BRMS1L: variants seen among roughly 807,000 people sequenced by gnomAD.
BRMS1L encodes BRMS1 like transcriptional repressor.
Under a neutral mutation model 50.3 loss-of-function variants are expected in BRMS1L, and 23 were observed. The ratio of observed to expected loss-of-function variants is 0.46; its 90% CI spans 0.33 to 0.65. The LOEUF is 0.65. Among genes scored for constraint, BRMS1L ranks in the 30% least tolerant of loss-of-function variants. The probability of loss-of-function intolerance (pLI) is 0.02; values close to 1 mark genes in which losing one functional copy is unlikely to be tolerated. For synonymous variants in BRMS1L, 114 were observed against 126.9 expected, an observed-to-expected ratio of 0.90 and a Z score of 0.69; for missense variants, 286 against 386.1, an observed-to-expected ratio of 0.74 and a Z score of 2.17.
intron 4 of BRMS1L, among the ~76,000 whole-genome samples, chr14:35,860,571 A>G (rs1277240786): frequency 2.7e-5 from 4 of 150,168 alleles, no homozygotes; most frequent in South Asian, 2.1e-4. Flanking sequence ...ATTCCAGTGC[A>G]GTATGCTTAA....
At chr14:35,863,415 C>T (rs1449774725) in intron 5 of BRMS1L, among the ~76,000 whole-genome samples, 2 of 152,114 alleles carry the variant, frequency 1.3e-5, no homozygotes, top group African/African-American at 4.8e-5. Flanking sequence ...AAGTTTAGTT[C>T]TCTATAGGGT....
rs188831493 is a variant in BRMS1L at position 35,845,919 on chromosome 14, T to C, written c.441+10996T>C. Reference sequence around the variant, plus strand: ...TATGCCACTGCACCTGGCTATGATATGGATTTTTAATAGTGTCATACTCAA... The same window carrying C: ...TATGCCACTGCACCTGGCTATGATACGGATTTTTAATAGTGTCATACTCAA... On this transcript the variant is annotated intron_variant, in intron 4 of 9. Transcript: ENST00000216807. Among the ~76,000 whole-genome samples, 31 of 152,298 alleles carry C rather than the reference T, an allele frequency of 2.0e-4. No individual in the cohort carries two copies. In the East Asian group the frequency reaches 5.6e-3, roughly 28 times the overall value.
At chr14:35,854,825 G>A (rs1297669896) in intron 4 of BRMS1L, among the ~76,000 whole-genome samples, 2 of 152,172 alleles carry the variant, frequency 1.3e-5, no homozygotes, top group Admixed American at 1.3e-4. Flanking sequence ...TATTTCTGCT[G>A]GATTGTTTCA....
At chr14:35,827,594 T>C (rs183119805) in intron 1 of BRMS1L, among the ~76,000 whole-genome samples, 105 of 152,332 alleles carry the variant, frequency 6.9e-4, no homozygotes, top group Non-Finnish European at 1.3e-3. Context: ...ATAATTTCAA[T>C]CAGTAAATCA....
intron 5 of BRMS1L, 56 bp downstream of exon 5, chr14:35,862,742 G>C: frequency 8.3e-7 from 1 of 1,208,354 alleles, no homozygotes. Flanking sequence ...TTGGTTTACT[G>C]TAGTGTCATA....
intron 8 of BRMS1L, among the ~76,000 whole-genome samples, chr14:35,867,470 T>C (rs952470188): frequency 1.3e-5 from 2 of 152,228 alleles, no homozygotes; most frequent in Non-Finnish European, 2.9e-5. Flanking sequence ...GACATTTCCT[T>C]TTTAGAATTA....
intron 4 of BRMS1L, among the ~76,000 whole-genome samples, chr14:35,842,545 C>T (rs562578201): frequency 5.9e-5 from 9 of 152,288 alleles, no homozygotes; most frequent in Admixed American, 1.3e-4. Flanking sequence ...CAGAGAGATC[C>T]GCTGTTAGTC....
rs575626233 is a variant in BRMS1L at position 35,846,995 on chromosome 14, C to A, written c.441+12072C>A. Among the ~76,000 whole-genome samples the A allele has an allele frequency of 6.6e-5, 10 of 151,894 alleles. No homozygotes were observed. In the South Asian group the frequency reaches 1.7e-3, roughly 25 times the overall value. On this transcript the variant is annotated intron_variant, in intron 4 of 9. Coordinates refer to ENST00000216807, the MANE Select transcript of BRMS1L (RefSeq NM_032352.4). Reference sequence around the variant, plus strand: ...TAAAAAAAAACACAAAAAAATAAAACGCAGGGTCTCCCTTTGTTGCCTAGG... The same window carrying A: ...TAAAAAAAAACACAAAAAAATAAAAAGCAGGGTCTCCCTTTGTTGCCTAGG...
chr14:35,861,180 C>T (rs533505265), intron 4 of BRMS1L, among the ~76,000 whole-genome samples: 1 of 152,204 alleles, frequency 6.6e-6, no homozygotes, highest in East Asian at 1.9e-4. Flanking sequence ...TTAGAGATGC[C>T]TTCAATGCTT....
At chr14:35,867,307 A>G (rs936653131) in intron 8 of BRMS1L, among the ~76,000 whole-genome samples, 3 of 152,184 alleles carry the variant, frequency 2.0e-5, no homozygotes, top group Admixed American at 2.0e-4. Flanking sequence ...TGGGTAGAGT[A>G]GTTAGGGAAG....
intron 4 of BRMS1L, among the ~76,000 whole-genome samples, chr14:35,836,029 G>C (rs1346258716): frequency 6.6e-6 from 1 of 152,142 alleles, no homozygotes; most frequent in Admixed American, 6.5e-5. Flanking sequence ...AAAAATGATA[G>C]AGCTCATTGT....
intron 4 of BRMS1L, among the ~76,000 whole-genome samples, chr14:35,836,355 T>G (rs1177055962): frequency 6.6e-6 from 1 of 152,176 alleles, no homozygotes; most frequent in Non-Finnish European, 1.5e-5. Context: ...TTTCTTTTGT[T>G]TTGAGACAGG....
chr14:35,862,785 T>A, intron 5 of BRMS1L, 99 bp downstream of exon 5: 2 of 563,572 alleles, frequency 3.5e-6, no homozygotes, highest in African/African-American at 1.9e-5. Context: ...TAATATTATG[T>A]AAATGAAATG....
intron 3 of BRMS1L, among the ~76,000 whole-genome samples, chr14:35,834,120 AT>A (rs1331832494): frequency 6.6e-6 from 1 of 152,152 alleles, no homozygotes; most frequent in Non-Finnish European, 1.5e-5. Context: ...AGTTCCAGAT[AT>A]CTGTCTCTTG....
At chr14:35,843,918 A>G (rs1259045704) in intron 4 of BRMS1L, among the ~76,000 whole-genome samples, 2 of 152,230 alleles carry the variant, frequency 1.3e-5, no homozygotes, top group Non-Finnish European at 2.9e-5. Flanking sequence ...CAGTCTGGCT[A>G]CAATGGCTTT....
rs189106569 is a variant in BRMS1L at position 35,833,257 on chromosome 14, G to A, written c.361+152G>A. ...TACTTTTAGTTAGCCCACAGTTACT[G>A]TATTTATTGAATACCTCTTGCTTTG... On this transcript the variant is annotated intron_variant, in intron 3 of 9. Transcript: ENST00000216807. 1,926 of 698,384 alleles carry A rather than the reference G, an allele frequency of 2.8e-3. 8 individuals are homozygous for A. Among genetic ancestry groups the A allele is most frequent in the Non-Finnish European group, 3.6e-3 (1,660 of 465,286 alleles). The allele number at this position is 698,384 out of a possible 1,614,324, so 43.3% of individuals were successfully genotyped here.
chr14:35,868,716 C>T (rs1298900619), intron 9 of BRMS1L, among the ~76,000 whole-genome samples: 1 of 152,068 alleles, frequency 6.6e-6, no homozygotes, highest in East Asian at 1.9e-4. Flanking sequence ...GAGGCTGCAG[C>T]AAGGTATCAT....
At chr14:35,861,635 G>C (rs767164145) in intron 4 of BRMS1L, among the ~76,000 whole-genome samples, 2 of 152,120 alleles carry the variant, frequency 1.3e-5, no homozygotes, top group Non-Finnish European at 2.9e-5. Context: ...CCTCAAGTTT[G>C]TAAGCCATCT....
In BRMS1L at chr14:35,834,829, T is replaced by C; in HGVS notation, c.362-15T>C. ...TCATTGCTAACATAATCAGAGTAAT[T>C]GTGTTTGGTTGCAGGAATCTATAGA... On this transcript the variant is annotated splice_polypyrimidine_tract_variant and intron_variant, in intron 3 of 9. Transcript: ENST00000216807. The C allele has an allele frequency of 6.6e-7, 1 of 1,522,216 alleles. No individual in the cohort carries two copies. Among genetic ancestry groups the C allele is most frequent in the Non-Finnish European group, 8.8e-7 (1 of 1,131,960 alleles). The allele number at this position is 1,522,216 out of a possible 1,614,324, so 94.3% of individuals were successfully genotyped here. A position where few individuals can be genotyped will look rare whatever the true frequency, so the allele number is the denominator to read the frequency against.
Sources: gnomAD v4.1 joint callset for allele counts (sites outside exome capture counted in the v4.1 genomes callset) on GRCh38, gnomAD v4.1.1 for gene constraint, MANE v1.5 for transcripts, NCBI Gene and HGNC (gene_info 2026-07-23, HGNC 2026-07-21) for gene names.